Variants in CDH13 observed in about 807,000 individuals in gnomAD.
CDH13 encodes the protein cadherin-13.
CDH13 carries 24 observed loss-of-function variants against 63.8 expected under a neutral mutation model. The observed-to-expected ratio is 0.38, with a 90% CI of 0.27 to 0.53. The LOEUF (loss-of-function observed/expected upper bound fraction) is 0.53. CDH13 is among the 20% of genes least tolerant of loss of function. The pLI, the probability that CDH13 is intolerant of heterozygous loss-of-function variation, is 0.85. For missense variants in CDH13, 1,049 were observed against 903.1 expected (o/e 1.16, Z -2.07); for synonymous variants, 503 against 355.3 (o/e 1.42, Z -4.67).
At chr16:83,129,584 G>A (rs2035960137) in intron 4 of CDH13, among the ~76,000 whole-genome samples, 1 of 152,268 alleles carries the variant, frequency 6.6e-6, no homozygotes, top group South Asian at 2.1e-4. Context: ...CCACCCCCAG[G>A]GGATGGCACT....
chr16:82,785,209 C>T (rs1483700078), intron 1 of CDH13, among the ~76,000 whole-genome samples: 1 of 152,142 alleles, frequency 6.6e-6, no homozygotes, highest in African/African-American at 2.4e-5. Context: ...AAGGGGAAGA[C>T]ATGAGACTCT....
At chr16:82,819,280 A>G (rs943562744) in intron 1 of CDH13, among the ~76,000 whole-genome samples, 1 of 152,238 alleles carries the variant, frequency 6.6e-6, no homozygotes, top group Admixed American at 6.5e-5. Flanking sequence ...GCATATTTCA[A>G]GTAACTTTCC....
rs575469373 is a variant in CDH13 at position 83,201,209 on chromosome 16, A to C, written c.484-16136A>C. Among the ~76,000 whole-genome samples the C allele has an allele frequency of 2.0e-5, 3 of 152,288 alleles. No individual in the cohort carries two copies. In the South Asian group the frequency reaches 6.2e-4, roughly 32 times the overall value. On this transcript the variant is annotated intron_variant, in intron 4 of 13. Coordinates refer to ENST00000567109, the MANE Select transcript of CDH13 (RefSeq NM_001257.5). ...AGCATAGCTTCTTTATTTATTAAAAAATATTTGAGTTTCTACTATGGACCA... is the reference window on the plus strand; with the variant it reads ...AGCATAGCTTCTTTATTTATTAAAACATATTTGAGTTTCTACTATGGACCA...
chr16:83,494,783 C>T (rs530135119), intron 7 of CDH13, among the ~76,000 whole-genome samples: 2 of 152,282 alleles, frequency 1.3e-5, no homozygotes, highest in South Asian at 4.1e-4. Context: ...ATCCACATTT[C>T]TTTCACTTTT....
At chr16:83,618,310 A>T (rs145785165) in intron 8 of CDH13, among the ~76,000 whole-genome samples, 2,682 of 152,048 alleles carry the variant, frequency 0.018, 87 homozygotes, top group African/African-American at 0.062. Context: ...CTGTAGTCCC[A>T]GCTACTTAGG....
At chr16:83,090,573 C>A (rs1376472901) in intron 3 of CDH13, among the ~76,000 whole-genome samples, 26 of 129,916 alleles carry the variant, frequency 2.0e-4, no homozygotes, top group Admixed American at 3.3e-4. Flanking sequence ...AACTGCATCT[C>A]AAAAAAAAAA....
At chr16:82,919,067 T>A (rs1424766134) in intron 2 of CDH13, among the ~76,000 whole-genome samples, 1 of 152,242 alleles carries the variant, frequency 6.6e-6, no homozygotes, top group Admixed American at 6.5e-5. Context: ...TTTTTCTGTT[T>A]GGCTTTTTGT....
rs574671290 is a variant in CDH13 at position 82,654,087 on chromosome 16, C to G, written c.45+26950C>G. Among the ~76,000 whole-genome samples the G allele has an allele frequency of 3.3e-5, 5 of 152,292 alleles. No individual in the cohort carries two copies. In the East Asian group the frequency reaches 9.7e-4, roughly 29 times the overall value. On this transcript the variant is annotated intron_variant, in intron 1 of 13. Coordinates refer to ENST00000567109, the MANE Select transcript of CDH13 (RefSeq NM_001257.5). ...CTTATGACATAAAGCCGCAAAAATT[C>G]TCATTAGTCATTGCAAAAACATCTA...
At chr16:83,175,516 C>A (rs1197621587) in intron 4 of CDH13, among the ~76,000 whole-genome samples, 1 of 152,016 alleles carries the variant, frequency 6.6e-6, no homozygotes, top group African/African-American at 2.4e-5. Flanking sequence ...GGGATGGGGG[C>A]ACCACTGACT....
intron 1 of CDH13, among the ~76,000 whole-genome samples, chr16:82,811,969 C>G (rs1330712798): frequency 6.6e-6 from 1 of 152,164 alleles, no homozygotes; most frequent in Non-Finnish European, 1.5e-5. Context: ...TATTGGGACA[C>G]ATGCATTTGG....
At chr16:83,024,440 T>A (rs1387248272) in intron 2 of CDH13, among the ~76,000 whole-genome samples, 1 of 152,174 alleles carries the variant, frequency 6.6e-6, no homozygotes, top group Non-Finnish European at 1.5e-5. Flanking sequence ...GGAAGCTGAA[T>A]GACTAAAGGA....
chr16:82,956,423 C>T (rs559999001), intron 2 of CDH13, among the ~76,000 whole-genome samples: 1 of 152,232 alleles, frequency 6.6e-6, no homozygotes, highest in Non-Finnish European at 1.5e-5. Flanking sequence ...TCCTGCCACA[C>T]CCTTTGGAAC....
intron 1 of CDH13, among the ~76,000 whole-genome samples, chr16:82,769,928 A>G (rs543600632): frequency 6.6e-6 from 1 of 152,376 alleles, no homozygotes; most frequent in African/African-American, 2.4e-5. Context: ...CCATGAATGC[A>G]TGGTGCATAC....
chr16:82,906,391 C>T (rs527414154), intron 2 of CDH13, among the ~76,000 whole-genome samples: 18 of 152,244 alleles, frequency 1.2e-4, no homozygotes, highest in South Asian at 2.1e-4. Context: ...ATCAAAGCTC[C>T]GGCAATTTGT....
At chr16:82,733,529 G>C (rs1418526435) in intron 1 of CDH13, among the ~76,000 whole-genome samples, 1 of 144,772 alleles carries the variant, frequency 6.9e-6, no homozygotes, top group African/African-American at 2.6e-5. Flanking sequence ...TTAAGTGATA[G>C]GTGACTGGTT....
chr16:83,711,955 G>T (rs745943016), intron 10 of CDH13, among the ~76,000 whole-genome samples: 65 of 152,310 alleles, frequency 4.3e-4, no homozygotes, highest in Admixed American at 7.8e-4. Context: ...TGAGATCAAG[G>T]TGTTGGCAGA....
At chr16:83,516,300 C>T (rs556809751) in intron 7 of CDH13, among the ~76,000 whole-genome samples, 16 of 152,336 alleles carry the variant, frequency 1.1e-4, no homozygotes, top group Admixed American at 3.9e-4. Flanking sequence ...GTTCTCTTCT[C>T]ATCAGAGTGG....
At chr16:83,696,162 A>G (rs1160449434) in intron 10 of CDH13, among the ~76,000 whole-genome samples, 2 of 152,170 alleles carry the variant, frequency 1.3e-5, no homozygotes, top group Non-Finnish European at 2.9e-5. Context: ...CAGTGCTGGG[A>G]TTACAGACGT....
At chr16:83,490,229 G>A (rs928631494) in intron 7 of CDH13, among the ~76,000 whole-genome samples, 2 of 152,156 alleles carry the variant, frequency 1.3e-5, no homozygotes, top group Non-Finnish European at 2.9e-5. Context: ...CATCTACCAA[G>A]GAGGACCCCA....
Sources: allele counts gnomAD v4.1 joint callset (sites outside exome capture counted in the v4.1 genomes callset), GRCh38; gene constraint gnomAD v4.1.1; transcripts MANE v1.5; gene names NCBI Gene and HGNC (gene_info 2026-07-23, HGNC 2026-07-21).